The following CSAD variants were observed in gnomAD, a reference collection of about 807,000 sequenced individuals.
CSAD encodes the protein P-selectin cytoplasmic tail-associated protein.
In CSAD, 47 loss-of-function variants were observed where a neutral mutation model predicts 61.5. The ratio of observed to expected loss-of-function variants is 0.76; its 90% CI spans 0.60 to 0.97. The LOEUF is 0.97. Among genes scored for constraint, CSAD ranks in the 50% least tolerant of loss-of-function variants. The pLI is 0.00. For missense variants in CSAD, 611 were observed against 643.6 expected (o/e 0.95, Z 0.55); for synonymous variants, 245 against 252.7 (o/e 0.97, Z 0.29).
chr12:53,180,370 CGAT>C (rs1941481350), intron 1 of CSAD: 2 of 985,318 alleles, frequency 2.0e-6, no homozygotes, highest in South Asian at 9.4e-5. Context: ...GAAAGAGTGA[CGAT>C]GATTTTTCAA....
chr12:53,178,316 CA>C (rs755218333), intron 2 of CSAD: 101 of 450,304 alleles, frequency 2.2e-4, no homozygotes, highest in Non-Finnish European at 4.1e-4. Context: ...CTACAAAAAA[CA>C]AAAAAACAAA....
At chr12:53,180,431 C>T (rs758941481) in intron 1 of CSAD, 4 of 1,170,894 alleles carry the variant, frequency 3.4e-6, no homozygotes, top group Non-Finnish European at 4.3e-6. Flanking sequence ...ATCGAGCACC[C>T]AGCGTACAAT....
intron 7 of CSAD, 71 bp downstream of exon 7, chr12:53,171,811 G>C (rs1940616344): frequency 3.8e-6 from 4 of 1,039,868 alleles, no homozygotes; most frequent in East Asian, 2.4e-5. Flanking sequence ...CCAGACACTA[G>C]AGCAAGAGAA....
In CSAD at chr12:53,178,443, G is replaced by C. The variant is rs1299903639; in HGVS notation, c.-50+659C>G. On this transcript the variant is annotated intron_variant, in intron 2 of 16. Coordinates refer to ENST00000444623, the MANE Select transcript of CSAD (RefSeq NM_001244705.2). ...GGAGGTTGAGGCTGCAGTGTGCCCT[G>C]ACTGCACCATTGCACTCCAGCCTGG... 3 of 448,850 alleles carry C rather than the reference G, an allele frequency of 6.7e-6. No homozygotes were observed. The Admixed American group carries it at 7.4e-5, about 11-fold the overall frequency. The allele number at this position is 448,850 out of a possible 1,614,324, so 27.8% of individuals were successfully genotyped here.
chr12:53,173,293 G>A (rs1189004410), intron 4 of CSAD, 52 bp downstream of exon 4: 2 of 1,505,130 alleles, frequency 1.3e-6, no homozygotes, highest in African/African-American at 1.4e-5. Context: ...AAAGAAAAGA[G>A]AAAAGAAAAG....
Position 53,165,662 on chromosome 12 carries a change from CAAAAAAA to C in CSAD, c.703-4280_703-4274del, listed in dbSNP as rs540475159. Among the ~76,000 whole-genome samples the C allele has an allele frequency of 6.4e-5, 3 of 46,990 alleles. No individual in the cohort carries two copies. In the East Asian group the frequency reaches 2.2e-3, roughly 34 times the overall value. 30.8% of individuals were successfully genotyped at this position (46,990 alleles called of 152,430 possible). ...TGGGTGACAGAGCAAGACTCCATCTCAAAAAAAAAAAAAAAAAAAGAAGAAGAAGAAA... is the reference window on the plus strand; with the variant it reads ...TGGGTGACAGAGCAAGACTCCATCTCAAAAAAAAAAAAGAAGAAGAAGAAA... On this transcript the variant is annotated intron_variant, in intron 10 of 16. Coordinates refer to ENST00000444623, the MANE Select transcript of CSAD (RefSeq NM_001244705.2).
rs181192812 is a variant in CSAD at position 53,158,296 on chromosome 12, C to T, written c.*215G>A. 5.9e-4 allele frequency: 231 copies of T among 392,198 alleles called. No individual in the cohort carries two copies. The highest frequency in any genetic ancestry group is 4.3e-3 in the African/African-American group (205 of 47,822). 24.3% of individuals were successfully genotyped at this position (392,198 alleles called of 1,614,324 possible). A position where few individuals can be genotyped will look rare whatever the true frequency, so the allele number is the denominator to read the frequency against. On this transcript the variant is annotated 3_prime_UTR_variant, in exon 17 of 17. Coordinates refer to ENST00000444623, the MANE Select transcript of CSAD (RefSeq NM_001244705.2). ...GTTTACAGGCACAGGCCACCATGCT[C>T]GGCTAATTTTTGTATTTTTAGTAGA...
chr12:53,172,794 A>C, intron 4 of CSAD, 146 bp from the exon 5 acceptor site: 1 of 930,052 alleles, frequency 1.1e-6, no homozygotes, highest in Non-Finnish European at 1.6e-6. Flanking sequence ...AATGAACAAG[A>C]GTAGTGAACA....
intron 10 of CSAD, among the ~76,000 whole-genome samples, chr12:53,165,484 C>A (rs1370986191): frequency 6.6e-6 from 1 of 151,682 alleles, no homozygotes; most frequent in African/African-American, 2.4e-5. Flanking sequence ...CACGGTGAAA[C>A]CCCGTCTCTA....
At chr12:53,174,156 T>C (rs1344980448) in intron 2 of CSAD, among the ~76,000 whole-genome samples, 1 of 151,644 alleles carries the variant, frequency 6.6e-6, no homozygotes, top group African/African-American at 2.4e-5. Flanking sequence ...TACAAAAAAT[T>C]AGCCGGGTGT....
chr12:53,180,804 G>C lies in CSAD; in HGVS notation c.-163C>G. 1.6e-6 allele frequency: 2 copies of C among 1,272,358 alleles called. No homozygotes were observed. Among genetic ancestry groups the C allele is most frequent in the Non-Finnish European group, 2.0e-6 (2 of 982,242 alleles). The allele number at this position is 1,272,358 out of a possible 1,614,324, so 78.8% of individuals were successfully genotyped here. On this transcript the variant is annotated 5_prime_UTR_variant, in exon 1 of 17. Transcript: ENST00000444623. ...CTGGGGCCTGGAGGAGGCGCCGCGC[G>C]GCCAGGGAGCCAGCGGGAGGCCGCG...
chr12:53,159,674 G>C lies in CSAD; in HGVS notation c.1257C>G (p.Pro419=), dbSNP rs776418034. The change falls in exon 16 of 17, where the codon CCC becomes CCG. Residue 419 remains proline, a synonymous_variant. Coordinates refer to ENST00000444623, the MANE Select transcript of CSAD (RefSeq NM_001244705.2). The stretch of plus-strand genomic sequence containing the variant: ...GACTCTCCTGCTTCCCTCGCAGGCT[G>C]GGGGGTACGAACCAGAAACACACAT... ...FVNVCFWFVP[P]SLRGKQESPD... is the part of the protein sequence containing the mutation. The C allele has an allele frequency of 8.1e-6, 13 of 1,610,330 alleles. No individual in the cohort carries two copies. Among genetic ancestry groups the C allele is most frequent in the East Asian group, 2.2e-5 (1 of 44,844 alleles).
At chr12:53,172,294 C>G (rs1462217132) in intron 6 of CSAD, 52 bp downstream of exon 6, 1 of 1,528,396 alleles carries the variant, frequency 6.5e-7, no homozygotes, top group Admixed American at 1.7e-5. Flanking sequence ...AGGCACCTCT[C>G]TAGCAAACCT....
rs779352633 is a variant in CSAD, at chr12:53,159,699, T to C, written c.1232A>G (p.Asn411Ser). Residue 411 changes from asparagine (N) to serine (S), a missense_variant, in exon 16 of 17, where the codon AAT becomes AGT. Physicochemically the swap from Asn to Ser is conservative, Grantham distance 46. Transcript: ENST00000444623. ...FELVMEPEFV[N>S]VCFWFVPPSL... ...GGGGGGTACGAACCAGAAACACACA[T>C]TGACAAACTCAGGCTGAGAGGAATG... is the stretch of plus-strand genomic sequence containing the variant. The C allele has an allele frequency of 1.2e-5, 20 of 1,610,034 alleles. No individual in the cohort carries two copies. The highest frequency in any genetic ancestry group is 1.7e-4 in the Middle Eastern group (1 of 6,060).
Position 53,180,871 on chromosome 12 carries a change from C to G in CSAD, c.-230G>C, listed in dbSNP as rs911511710. ...AAGCCCCAAAGACCGCAGCGTCGTC[C>G]GTACAGACGGCAGCGCTTCAGTAGC... On this transcript the variant is annotated 5_prime_UTR_variant, in exon 1 of 17. Transcript: ENST00000444623. 1 of 1,220,630 alleles carries G rather than the reference C, an allele frequency of 8.2e-7. No homozygotes were observed. Among genetic ancestry groups the G allele is most frequent in the African/African-American group, 1.7e-5 (1 of 60,456 alleles). The allele number at this position is 1,220,630 out of a possible 1,614,324, so 75.6% of individuals were successfully genotyped here.
chr12:53,170,650 T>C (rs1940453873), intron 8 of CSAD, 148 bp from the exon 9 acceptor site: 1 of 666,384 alleles, frequency 1.5e-6, no homozygotes, highest in Admixed American at 2.2e-5. Context: ...GGGTGTCTGG[T>C]TAAAATGAAA....
intron 1 of CSAD, chr12:53,180,204 C>A (rs1941463318): frequency 1.0e-6 from 1 of 985,408 alleles, no homozygotes; most frequent in African/African-American, 1.7e-5. Context: ...GTTAACGCCT[C>A]TCCCAGCTGA....
upstream of CSAD, chr12:53,181,232 G>A (rs1941614680): frequency 2.0e-6 from 2 of 985,344 alleles, no homozygotes; most frequent in Non-Finnish European, 2.4e-6. Context: ...CTACCTTCGG[G>A]CGGACGGGGA....
chr12:53,174,080 G>A (rs948007791), intron 2 of CSAD: 20 of 340,126 alleles, frequency 5.9e-5, no homozygotes, highest in Non-Finnish European at 7.8e-5. Flanking sequence ...CGAGGCGGGC[G>A]GATCACGAGG....
Sources: allele counts gnomAD v4.1 joint callset (sites outside exome capture counted in the v4.1 genomes callset), GRCh38; gene constraint gnomAD v4.1.1; transcripts MANE v1.5; gene names NCBI Gene and HGNC (gene_info 2026-07-23, HGNC 2026-07-21).